The following KIAA1217 variants were observed in gnomAD, a reference collection of about 807,000 sequenced individuals.
The protein encoded by KIAA1217 is sickle tail protein homolog.
In KIAA1217, 88 loss-of-function variants were observed where a neutral mutation model predicts 163.9. The observed-to-expected ratio is 0.54, with a 90% CI of 0.45 to 0.64. The LOEUF (loss-of-function observed/expected upper bound fraction) is 0.64, where lower values mean the gene tolerates loss of function less well. KIAA1217 is among the 30% of genes least tolerant of loss of function. The pLI is 0.00. For synonymous variants in KIAA1217, 903 were observed against 923.1 expected, an observed-to-expected ratio of 0.98 and a Z score of 0.39; for missense variants, 2,372 against 2,475.0, an observed-to-expected ratio of 0.96 and a Z score of 0.88.
intron 2 of KIAA1217, among the ~76,000 whole-genome samples, chr10:24,142,590 C>A (rs921695250): frequency 6.6e-6 from 1 of 151,920 alleles, no homozygotes; most frequent in Non-Finnish European, 1.5e-5. Context: ...TACTTACACC[C>A]CTTGAATCTA....
intron 1 of KIAA1217, among the ~76,000 whole-genome samples, chr10:23,887,969 A>G (rs958275130): frequency 6.6e-6 from 1 of 151,944 alleles, no homozygotes; most frequent in Non-Finnish European, 1.5e-5. Flanking sequence ...TGTAAATCTC[A>G]TAAATTTTGA....
In KIAA1217 at chr10:23,926,408, C is replaced by A. The variant is rs573375243; in HGVS notation, c.-320-80817C>A. Reference sequence around the variant, plus strand: ...TGATAGAGAATGCTGTCAATATTTCCATATGAGATGTGCATTAGTCCTGTT... The same window carrying A: ...TGATAGAGAATGCTGTCAATATTTCAATATGAGATGTGCATTAGTCCTGTT... On this transcript the variant is annotated intron_variant, in intron 1 of 18. Transcript: ENST00000376462. Among the ~76,000 whole-genome samples the A allele has an allele frequency of 1.9e-4, 29 of 152,226 alleles. No homozygotes were observed. In the South Asian group the frequency reaches 6.0e-3, roughly 32 times the overall value.
At chr10:23,997,735 G>A (rs1430954440) in intron 1 of KIAA1217, among the ~76,000 whole-genome samples, 1 of 152,176 alleles carries the variant, frequency 6.6e-6, no homozygotes, top group Non-Finnish European at 1.5e-5. Context: ...TATCCATGGA[G>A]GGAATTAAAG....
At chr10:24,229,805 C>T (rs2131056109) in intron 2 of KIAA1217, among the ~76,000 whole-genome samples, 1 of 152,224 alleles carries the variant, frequency 6.6e-6, no homozygotes, top group Non-Finnish European at 1.5e-5. Flanking sequence ...GCCACTGTAC[C>T]CAGCCTCAGA....
At chr10:24,308,639 G>A (rs1048210347) in intron 2 of KIAA1217, among the ~76,000 whole-genome samples, 1 of 152,152 alleles carries the variant, frequency 6.6e-6, no homozygotes, top group Non-Finnish European at 1.5e-5. Context: ...AAACCTGTGC[G>A]TATCCATCAT....
Position 23,934,625 on chromosome 10 carries a change from A to ATATATATATATT in KIAA1217, c.-320-72599_-320-72598insATATATATATTT, listed in dbSNP as rs1554826424. 1.0e-4 allele frequency among the ~76,000 whole-genome samples: 7 copies of ATATATATATATT among 68,548 alleles called. No individual in the cohort carries two copies. In the East Asian group the frequency reaches 1.9e-3, roughly 18 times the overall value. 45.0% of individuals were successfully genotyped at this position (68,548 alleles called of 152,430 possible). On this transcript the variant is annotated intron_variant, in intron 1 of 18. Coordinates refer to the KIAA1217 transcript ENST00000376462. ...TATATATGTATATATATATATATAT[A>ATATATATATATT]TTTTTTTTTTGAGACGGAGTCTCGC... is the stretch of plus-strand genomic sequence containing the variant.
rs1005599910 is a variant in KIAA1217 at position 23,965,517 on chromosome 10, G to A, written c.-320-41708G>A. 4.6e-5 allele frequency among the ~76,000 whole-genome samples: 7 copies of A among 152,210 alleles called. No individual in the cohort carries two copies. The South Asian group carries it at 1.0e-3, about 22-fold the overall frequency. On this transcript the variant is annotated intron_variant, in intron 1 of 18. Coordinates refer to the KIAA1217 transcript ENST00000376462. ...GACCTGGACATCACTCTACAGCTGT[G>A]TGTGGAAGGAGCTAGAGATCACATC... is the stretch of plus-strand genomic sequence containing the variant.
chr10:24,054,684 A>G (rs1018847761), intron 2 of KIAA1217, among the ~76,000 whole-genome samples: 7 of 152,180 alleles, frequency 4.6e-5, no homozygotes, highest in African/African-American at 1.7e-4. Flanking sequence ...CAATTTCATC[A>G]TTGTGCAAAC....
intron 2 of KIAA1217, among the ~76,000 whole-genome samples, chr10:24,146,749 G>A (rs577547380): frequency 3.2e-4 from 49 of 152,212 alleles, no homozygotes; most frequent in Middle Eastern, 3.4e-3. Flanking sequence ...TTTGTCTGCT[G>A]TGCTGATGGA....
intron 1 of KIAA1217, among the ~76,000 whole-genome samples, chr10:23,852,779 T>C (rs1049081924): frequency 6.6e-6 from 1 of 152,190 alleles, no homozygotes; most frequent in African/African-American, 2.4e-5. Flanking sequence ...TTGAAGCAAT[T>C]GTGAATGGGA....
intron 2 of KIAA1217, among the ~76,000 whole-genome samples, chr10:24,143,607 A>G (rs1040045997): frequency 2.6e-5 from 4 of 152,106 alleles, no homozygotes; most frequent in South Asian, 2.1e-4. Context: ...TTTTGGGGCT[A>G]AGCTACATTC....
At chr10:23,988,614 G>C (rs1017517205) in intron 1 of KIAA1217, among the ~76,000 whole-genome samples, 6 of 152,086 alleles carry the variant, frequency 3.9e-5, no homozygotes, top group African/African-American at 1.4e-4. Context: ...AAGTACAAGA[G>C]AAATAAAATT....
chr10:24,294,664 C>CT (rs1453919647), intron 2 of KIAA1217, among the ~76,000 whole-genome samples: 2 of 152,166 alleles, frequency 1.3e-5, no homozygotes, highest in Non-Finnish European at 2.9e-5. Flanking sequence ...TCAGAGCAAG[C>CT]TTTTTCCTTA....
intron 1 of KIAA1217, among the ~76,000 whole-genome samples, chr10:23,705,870 A>G (rs763377392): frequency 5.9e-5 from 9 of 152,178 alleles, no homozygotes; most frequent in African/African-American, 1.2e-4. Context: ...CATCTTAACA[A>G]TATCAATTCA....
At chr10:24,001,336 C>A (rs543285819) in intron 1 of KIAA1217, among the ~76,000 whole-genome samples, 10 of 152,090 alleles carry the variant, frequency 6.6e-5, no homozygotes, top group Non-Finnish European at 1.2e-4. Context: ...CTGAACTATG[C>A]GACAAATATT....
chr10:24,396,712 G>A (rs2055808201), intron 3 of KIAA1217, among the ~76,000 whole-genome samples: 1 of 152,166 alleles, frequency 6.6e-6, no homozygotes, highest in Non-Finnish European at 1.5e-5. Flanking sequence ...GAGCATGCCT[G>A]GAGCATTCAA....
chr10:23,919,830 C>G (rs1048855293), intron 1 of KIAA1217, among the ~76,000 whole-genome samples: 2 of 152,104 alleles, frequency 1.3e-5, no homozygotes, highest in Non-Finnish European at 2.9e-5. Flanking sequence ...TCAACTAGAA[C>G]GACTGCAAAA....
intron 2 of KIAA1217, among the ~76,000 whole-genome samples, chr10:24,305,869 A>G (rs563460801): frequency 6.6e-6 from 1 of 152,150 alleles, no homozygotes; most frequent in Admixed American, 6.6e-5. Flanking sequence ...CTGGAAGAAC[A>G]TGTTTAGAAG....
chr10:24,506,368 G>A (rs1373532310), intron 9 of KIAA1217, among the ~76,000 whole-genome samples: 2 of 152,198 alleles, frequency 1.3e-5, no homozygotes, highest in African/African-American at 4.8e-5. Context: ...TCAAAATTGA[G>A]TATGTGAGAT....
Sources: gnomAD v4.1 joint callset for allele counts (sites outside exome capture counted in the v4.1 genomes callset) on GRCh38, gnomAD v4.1.1 for gene constraint, MANE v1.5 for transcripts, NCBI Gene and HGNC (gene_info 2026-07-23, HGNC 2026-07-21) for gene names.